Variants in HEATR4 observed in about 807,000 individuals in gnomAD.
The protein encoded by HEATR4 is HEAT repeat containing 4, also known as HEAT repeat-containing protein 4.
A neutral mutation model predicts 108.8 loss-of-function variants in HEATR4; 95 were observed. The observed-to-expected ratio is 0.87, with a 90% CI of 0.74 to 1.04. The LOEUF is 1.04. Among genes scored for constraint, HEATR4 ranks in the 50% least tolerant of loss-of-function variants. The pLI is 0.00. For synonymous variants in HEATR4, 443 were observed against 459.4 expected (o/e 0.96, Z 0.46); for missense variants, 1,152 against 1,253.8 (o/e 0.92, Z 1.23).
intron 3 of HEATR4, 64 bp downstream of exon 3, chr14:73,522,208 C>T: frequency 6.6e-7 from 1 of 1,520,918 alleles, no homozygotes; most frequent in Non-Finnish European, 8.9e-7. Flanking sequence ...GTGAGTCCAC[C>T]TGGGAGTCCC....
chr14:73,572,639 A>AT, the HEATR4 span, among the ~76,000 whole-genome samples: 864 of 107,164 alleles, frequency 8.1e-3, 26 homozygotes, highest in South Asian at 0.027. Flanking sequence ...AGGTGTTTGC[A>AT]TTTTTTTTTT....
chr14:73,509,371 T>A lies in HEATR4; in HGVS notation c.1661A>T (p.Tyr554Phe), dbSNP rs756784707. The A allele has an allele frequency of 6.8e-6, 11 of 1,614,086 alleles. No homozygotes were observed. In the South Asian group the frequency reaches 9.9e-5, roughly 15 times the overall value. The change falls in exon 8 of 18, where the codon TAT (tyrosine) becomes TTT (phenylalanine). Residue 554 changes from tyrosine to phenylalanine, a missense_variant. Transcript: ENST00000553558. ...HVRMAAAICQ[Y>F]AIQSHNPLAR... is the part of the protein sequence containing the mutation. ...AAGGGGATTATGTGACTGTATGGCATATTGGCATATTGCTGCTGCCATCCG... is the reference window on the plus strand; with the variant it reads ...AAGGGGATTATGTGACTGTATGGCAAATTGGCATATTGCTGCTGCCATCCG...
upstream of HEATR4, among the ~76,000 whole-genome samples, chr14:73,563,357 G>A (rs1480918853): frequency 6.6e-6 from 1 of 152,070 alleles, no homozygotes; most frequent in African/African-American, 2.4e-5. Context: ...CACTTTGGGA[G>A]GCTGAGGCAG....
the HEATR4 span, among the ~76,000 whole-genome samples, chr14:73,609,197 G>A: frequency 6.6e-6 from 1 of 152,160 alleles, no homozygotes; most frequent in African/African-American, 2.4e-5. Context: ...AGAATTGGCT[G>A]GTGAATACCA....
Position 73,547,474 on chromosome 14 carries a change from G to A in HEATR4, c.-152+11277C>T, listed in dbSNP as rs1427283699. On this transcript the variant is annotated intron_variant, in intron 1 of 17. Transcript: ENST00000553558. ...TCTTCCCACCTTGGCATCTCCCAAA[G>A]TGCTGGGATTACAGGCAATCACCAC... Among the ~76,000 whole-genome samples, 3 of 115,562 alleles carry A rather than the reference G, an allele frequency of 2.6e-5. 1 individual carries two copies. The highest frequency in any genetic ancestry group is 5.7e-5 in the Non-Finnish European group (3 of 52,876). 75.8% of individuals were successfully genotyped at this position (115,562 alleles called of 152,430 possible). A position where few individuals can be genotyped will look rare whatever the true frequency, so the allele number is the denominator to read the frequency against.
At chr14:73,505,059 T>A (rs60538422) in intron 10 of HEATR4, among the ~76,000 whole-genome samples, 2 of 151,852 alleles carry the variant, frequency 1.3e-5, no homozygotes, top group Admixed American at 1.3e-4. Flanking sequence ...AGCCTCCAAG[T>A]AGCTGGGATG....
rs557155025 is a variant in HEATR4, at chr14:73,478,949, T to G, written c.2845-107A>C. ...GCTATAGGGTGTCTCCTTTTTTTTT[T>G]TCTTTTTGAGACGGAGTCCCACTCT... On this transcript the variant is annotated intron_variant, in intron 17 of 17. Transcript: ENST00000553558. 33 of 806,710 alleles carry G rather than the reference T, an allele frequency of 4.1e-5. 1 individual carries two copies. The South Asian group carries it at 4.7e-4, about 11-fold the overall frequency. The allele number at this position is 806,710 out of a possible 1,614,324, so 50.0% of individuals were successfully genotyped here.
the HEATR4 span, among the ~76,000 whole-genome samples, chr14:73,607,086 T>C: frequency 1.3e-5 from 2 of 151,992 alleles, no homozygotes; most frequent in Admixed American, 6.6e-5. Flanking sequence ...CCGAGGTGGG[T>C]GGATCACGAA....
Position 73,522,610 on chromosome 14 carries a change from T to C in HEATR4, c.543A>G (p.Leu181=), listed in dbSNP as rs1888043407. 3 of 1,614,188 alleles carry C rather than the reference T, an allele frequency of 1.9e-6. No homozygotes were observed. The highest frequency in any genetic ancestry group is 2.5e-6 in the Non-Finnish European group (3 of 1,180,030). ...HPDMLGRPPS[L]DVNLEEREAW... ...CTTCTCTTTCCTCCAGGTTCACATC[T>C]AGAGAAGGTGGCCGACCCAGCATAT... Residue 181 remains leucine (L), a synonymous_variant, in exon 3 of 18, where the codon CTA becomes CTG. Coordinates refer to ENST00000553558, the MANE Select transcript of HEATR4 (RefSeq NM_001220484.1).
At chr14:73,583,978 G>C in the HEATR4 span, among the ~76,000 whole-genome samples, 1 of 151,308 alleles carries the variant, frequency 6.6e-6, no homozygotes, top group Non-Finnish European at 1.5e-5. Context: ...TCCAGCCTGG[G>C]CAACAAGAGT....
rs1317646775 is a variant in HEATR4, at chr14:73,522,544, C to T, written c.609G>A (p.Glu203=). ...LPPEKEARAW[E]ATVLEKLNER... ...CGTTCAGCTTTTCCAGCACAGTGGC[C>T]TCCCACGCTCTGGCCTCCTTCTCAG... Residue 203 remains glutamate (E), a synonymous_variant, in exon 3 of 18, where the codon GAG becomes GAA. Transcript: ENST00000553558. 1 of 1,614,044 alleles carries T rather than the reference C, an allele frequency of 6.2e-7. No individual in the cohort carries two copies. The highest frequency in any genetic ancestry group is 1.3e-5 in the African/African-American group (1 of 74,924).
intron 17 of HEATR4, chr14:73,491,916 G>A: frequency 1.2e-6 from 2 of 1,613,220 alleles, no homozygotes; most frequent in Admixed American, 3.3e-5. Context: ...CGTCTCCTCT[G>A]TCCGCAGGCT....
chr14:73,569,627 G>C, the HEATR4 span: 10 of 1,601,332 alleles, frequency 6.2e-6, no homozygotes, highest in Middle Eastern at 2.2e-4. Flanking sequence ...GCGCGCCCGC[G>C]CTGGGCGGCA....
At chr14:73,517,541 A>G (rs192419434) in intron 5 of HEATR4, 1 of 151,876 alleles carries the variant, frequency 6.6e-6, no homozygotes, top group Non-Finnish European at 1.5e-5. Flanking sequence ...AGTGGTGTGC[A>G]CCTGTAGTTC....
intron 16 of HEATR4, among the ~76,000 whole-genome samples, chr14:73,493,768 G>C (rs1326344602): frequency 6.6e-6 from 1 of 152,172 alleles, no homozygotes; most frequent in Admixed American, 6.5e-5. Context: ...AACCTGGGAG[G>C]TGGAGGTTGC....
At chr14:73,617,010 A>T in the HEATR4 span, 1 of 747,424 alleles carries the variant, frequency 1.3e-6, no homozygotes, top group African/African-American at 1.8e-5. Flanking sequence ...CTTTCCTGGG[A>T]TCATTGATCT....
intron 17 of HEATR4, chr14:73,491,401 G>T (rs1057469934): frequency 4.6e-5 from 62 of 1,344,618 alleles, no homozygotes; most frequent in Non-Finnish European, 5.7e-5. Context: ...CTTCCGCGCC[G>T]CCCGCGCGCC....
the HEATR4 span, among the ~76,000 whole-genome samples, chr14:73,630,096 G>T: frequency 2.6e-5 from 4 of 151,900 alleles, no homozygotes; most frequent in African/African-American, 9.7e-5. Flanking sequence ...AGGGTACGTG[G>T]TGTCCTAATT....
At chr14:73,511,607 G>A (rs1248265475) in intron 7 of HEATR4, among the ~76,000 whole-genome samples, 3 of 151,924 alleles carry the variant, frequency 2.0e-5, no homozygotes, top group African/African-American at 7.3e-5. Context: ...GGGCACAGTG[G>A]CTCACGCCTG....
Sources: allele counts gnomAD v4.1 joint callset (sites outside exome capture counted in the v4.1 genomes callset), GRCh38; gene constraint gnomAD v4.1.1; transcripts MANE v1.5; gene names NCBI Gene and HGNC (gene_info 2026-07-23, HGNC 2026-07-21).